The following NRXN1 variants were observed in gnomAD, a reference collection of about 807,000 sequenced individuals.
NRXN1 encodes the protein neurexin 1, also known as neurexin-1.
A neutral mutation model predicts 150.9 loss-of-function variants in NRXN1; 39 were observed. The observed-to-expected ratio is 0.26, with a 90% CI of 0.20 to 0.34. The LOEUF (loss-of-function observed/expected upper bound fraction) is 0.34. NRXN1 is among the 10% of genes least tolerant of loss of function. The pLI, the probability that NRXN1 is intolerant of heterozygous loss-of-function variation, is 1.00. For synonymous variants in NRXN1, 924 were observed against 757.0 expected (o/e 1.22, Z -3.62); for missense variants, 1,815 against 1,949.9 (o/e 0.93, Z 1.30).
intron 18 of NRXN1, among the ~76,000 whole-genome samples, chr2:50,183,021 T>C (rs980406886): frequency 2.0e-5 from 3 of 152,076 alleles, no homozygotes; most frequent in Admixed American, 2.0e-4. Context: ...GAGAATGATA[T>C]TGAGTCTAAA....
intron 16 of NRXN1, among the ~76,000 whole-genome samples, chr2:50,469,059 G>GA (rs891555970): frequency 1.3e-5 from 2 of 151,518 alleles, no homozygotes; most frequent in Admixed American, 6.6e-5. Flanking sequence ...TACATAAACA[G>GA]AAAAAAGCCA....
chr2:50,417,598 A>G (rs2083640226), intron 17 of NRXN1, among the ~76,000 whole-genome samples: 1 of 151,902 alleles, frequency 6.6e-6, no homozygotes, highest in African/African-American at 2.4e-5. Flanking sequence ...AAGCTCCTAC[A>G]GAGTCTGATG....
rs796052765 is a variant in NRXN1, at chr2:51,028,251, C to A, written c.23G>T (p.Arg8Leu). ...GAGGCACAGAAGAAAACAGCCCCCG[C>A]GCTGGAGCAGCGCCGTCCCCATGCT... MGTALLQ[R>L]GGCFLLCLSL... Residue 8 changes from arginine (R) to leucine (L), a missense_variant, in exon 2 of 23, where the codon CGC (arginine) becomes CTC (leucine). Transcript: ENST00000401669. The A allele has an allele frequency of 2.7e-6, 4 of 1,461,022 alleles. No homozygotes were observed. The highest frequency in any genetic ancestry group is 2.4e-5 in the East Asian group (1 of 41,440). The allele number at this position is 1,461,022 out of a possible 1,614,324, so 90.5% of individuals were successfully genotyped here.
intron 17 of NRXN1, among the ~76,000 whole-genome samples, chr2:50,241,609 C>T (rs2066005510): frequency 1.3e-5 from 2 of 151,886 alleles, no homozygotes; most frequent in African/African-American, 4.8e-5. Context: ...ATTAACAAAG[C>T]TGGCTCTATC....
At chr2:50,819,118 G>A (rs1198891222) in intron 5 of NRXN1, among the ~76,000 whole-genome samples, 1 of 152,098 alleles carries the variant, frequency 6.6e-6, no homozygotes, top group African/African-American at 2.4e-5. Context: ...CAGTATGGAG[G>A]TTCCTCAAAC....
At position 49,921,244 on chromosome 2, in the gene NRXN1, T is replaced by G. The variant is rs950975530; in HGVS notation, c.*700A>C. 6.6e-6 allele frequency: 1 copy of G among 152,626 alleles called. No homozygotes were observed. Among genetic ancestry groups the G allele is most frequent in the African/African-American group, 2.4e-5 (1 of 41,462 alleles). 9.5% of individuals were successfully genotyped at this position (152,626 alleles called of 1,614,324 possible). A position where few individuals can be genotyped will look rare whatever the true frequency, so the allele number is the denominator to read the frequency against. ...GCGTGCATGAAAATTTCCCAATGAT[T>G]GCATCTATGCCCTCTTGTTTTTGTT... On this transcript the variant is annotated 3_prime_UTR_variant, in exon 23 of 23. Coordinates refer to ENST00000401669, the MANE Select transcript of NRXN1 (RefSeq NM_001330078.2).
At chr2:50,261,916 A>C (rs908442052) in intron 17 of NRXN1, among the ~76,000 whole-genome samples, 1 of 151,858 alleles carries the variant, frequency 6.6e-6, no homozygotes, top group East Asian at 1.9e-4. Flanking sequence ...TATTGAAACT[A>C]TACAATAATC....
At chr2:50,199,110 T>A (rs915593055) in intron 18 of NRXN1, 2 of 152,188 alleles carry the variant, frequency 1.3e-5, no homozygotes, top group African/African-American at 4.8e-5. Context: ...GCACCTGTCA[T>A]CTGGATGCAC....
intron 17 of NRXN1, among the ~76,000 whole-genome samples, chr2:50,239,661 A>AGTAT (rs2065806140): frequency 1.8e-5 from 1 of 56,706 alleles, no homozygotes; most frequent in African/African-American, 6.4e-5. Context: ...TACCTATTCC[A>AGTAT]GTATATATAT....
chr2:50,406,955 C>T (rs926822049), intron 17 of NRXN1, among the ~76,000 whole-genome samples: 2 of 152,126 alleles, frequency 1.3e-5, no homozygotes, highest in Non-Finnish European at 2.9e-5. Flanking sequence ...AACCTCAACT[C>T]ACAGCTTCAA....
At chr2:50,163,765 C>A (rs1172468230) in intron 18 of NRXN1, among the ~76,000 whole-genome samples, 1 of 152,100 alleles carries the variant, frequency 6.6e-6, no homozygotes, top group Non-Finnish European at 1.5e-5. Context: ...TTTTGATCTA[C>A]TCTTGAAGTA....
chr2:50,255,907 A>C (rs1228373227), intron 17 of NRXN1, among the ~76,000 whole-genome samples: 1 of 152,144 alleles, frequency 6.6e-6, no homozygotes, highest in Non-Finnish European at 1.5e-5. Context: ...CTTCTAGATC[A>C]TTTATCAAAG....
intron 5 of NRXN1, among the ~76,000 whole-genome samples, chr2:50,759,985 T>C (rs546594864): frequency 2.6e-5 from 4 of 151,950 alleles, no homozygotes; most frequent in African/African-American, 9.6e-5. Context: ...CTTAGGAAGC[T>C]GCCCCTCGGA....
chr2:50,771,117 A>C (rs1702962384), intron 5 of NRXN1, among the ~76,000 whole-genome samples: 4 of 152,090 alleles, frequency 2.6e-5, no homozygotes, highest in Admixed American at 2.6e-4. Context: ...AGGGAAATAA[A>C]AAACGGACTG....
intron 18 of NRXN1, among the ~76,000 whole-genome samples, chr2:50,120,688 CTATT>C (rs1403496049): frequency 1.3e-5 from 2 of 152,012 alleles, no homozygotes; most frequent in African/African-American, 4.8e-5. Flanking sequence ...TACTTAGTCT[CTATT>C]TATTAAATAT....
At chr2:50,591,959 A>T (rs967189498) in intron 8 of NRXN1, among the ~76,000 whole-genome samples, 4 of 152,074 alleles carry the variant, frequency 2.6e-5, no homozygotes, top group African/African-American at 7.2e-5. Flanking sequence ...CCAAATTTCG[A>T]CCTTGGTTAA....
intron 17 of NRXN1, among the ~76,000 whole-genome samples, chr2:50,461,092 T>G (rs1231061050): frequency 6.6e-6 from 1 of 152,048 alleles, no homozygotes; most frequent in African/African-American, 2.4e-5. Context: ...GGATTCTCTT[T>G]CAAACAACAA....
At chr2:50,500,912 C>G (rs1169278004) in intron 13 of NRXN1, among the ~76,000 whole-genome samples, 2 of 152,086 alleles carry the variant, frequency 1.3e-5, no homozygotes, top group African/African-American at 2.4e-5. Context: ...CCGGTGCTAG[C>G]CTTGGTATTG....
intron 8 of NRXN1, among the ~76,000 whole-genome samples, chr2:50,612,046 G>A (rs1192241427): frequency 6.6e-6 from 1 of 152,168 alleles, no homozygotes; most frequent in East Asian, 1.9e-4. Flanking sequence ...TGAGAGAAGT[G>A]AAGTGAGATT....
Sources: allele counts gnomAD v4.1 joint callset (sites outside exome capture counted in the v4.1 genomes callset), GRCh38; gene constraint gnomAD v4.1.1; transcripts MANE v1.5; gene names NCBI Gene and HGNC (gene_info 2026-07-23, HGNC 2026-07-21).